Variants in RBFOX1 observed in about 807,000 individuals in gnomAD.
RBFOX1 encodes the protein RNA binding protein fox-1 homolog 1.
Under a neutral mutation model 57.7 loss-of-function variants are expected in RBFOX1, and 8 were observed. The observed-to-expected ratio is 0.14, with a 90% CI of 0.08 to 0.25. RBFOX1 has a LOEUF of 0.25. Among genes scored for constraint, RBFOX1 ranks in the 10% least tolerant of loss-of-function variants. RBFOX1 has a pLI of 1.00. For synonymous variants in RBFOX1, 326 were observed against 222.4 expected (o/e 1.47, Z -4.15); for missense variants, 611 against 548.5 (o/e 1.11, Z -1.14).
At chr16:6,466,047 G>A (rs2095042385) in intron 2 of RBFOX1, among the ~76,000 whole-genome samples, 1 of 151,910 alleles carries the variant, frequency 6.6e-6, no homozygotes, top group South Asian at 2.1e-4. Context: ...TGGTCAACAT[G>A]GTGAAACCCC....
intron 4 of RBFOX1, among the ~76,000 whole-genome samples, chr16:7,327,837 C>A (rs529814954): frequency 6.6e-6 from 1 of 151,546 alleles, no homozygotes; most frequent in East Asian, 1.9e-4. Context: ...ACTGTGCAGA[C>A]AAATCATTAT....
intron 4 of RBFOX1, among the ~76,000 whole-genome samples, chr16:7,427,042 C>T (rs1198924569): frequency 6.6e-6 from 1 of 152,188 alleles, no homozygotes; most frequent in East Asian, 1.9e-4. Flanking sequence ...CGTGTTCTCA[C>T]TCATAGGTGG....
intron 3 of RBFOX1, among the ~76,000 whole-genome samples, chr16:6,726,687 G>C (rs1474412668): frequency 4.6e-5 from 7 of 152,126 alleles, no homozygotes; most frequent in African/African-American, 1.7e-4. Context: ...GTCTGGACTG[G>C]ACCCCTGGGC....
intron 4 of RBFOX1, among the ~76,000 whole-genome samples, chr16:7,195,281 T>C (rs975594806): frequency 2.7e-4 from 41 of 152,190 alleles, no homozygotes; most frequent in Non-Finnish European, 1.5e-5. Flanking sequence ...ATTAATTTCA[T>C]CACACAGGCT....
At chr16:6,020,798 C>A (rs1412405987) in intron 1 of RBFOX1, among the ~76,000 whole-genome samples, 2 of 152,308 alleles carry the variant, frequency 1.3e-5, no homozygotes, top group East Asian at 3.9e-4. Context: ...GCCCAGGAGG[C>A]CACTTGGCTG....
chr16:6,795,781 A>G (rs113624825), intron 3 of RBFOX1, among the ~76,000 whole-genome samples: 15 of 148,858 alleles, frequency 1.0e-4, no homozygotes, highest in African/African-American at 3.6e-4. Context: ...AAAAAATGAA[A>G]AAAAAAAAAA....
At chr16:6,116,915 A>C (rs749908232) in intron 1 of RBFOX1, among the ~76,000 whole-genome samples, 48 of 152,148 alleles carry the variant, frequency 3.2e-4, no homozygotes, top group Non-Finnish European at 5.7e-4. Context: ...AGACAGAGGG[A>C]GAGAGATGCT....
intron 9 of RBFOX1, among the ~76,000 whole-genome samples, chr16:7,599,799 GT>G (rs113220306): frequency 1.4e-5 from 2 of 147,344 alleles, no homozygotes; most frequent in Admixed American, 6.7e-5. Flanking sequence ...TGCCTGGCTA[GT>G]TTTTTTTTTT....
chr16:6,176,928 C>T (rs560261962), intron 1 of RBFOX1, among the ~76,000 whole-genome samples: 1 of 152,132 alleles, frequency 6.6e-6, no homozygotes, highest in Non-Finnish European at 1.5e-5. Flanking sequence ...ACTGTGACAA[C>T]CCCAGTGCCT....
intron 4 of RBFOX1, among the ~76,000 whole-genome samples, chr16:7,516,503 C>G (rs997479010): frequency 2.0e-5 from 3 of 152,196 alleles, no homozygotes; most frequent in Non-Finnish European, 4.4e-5. Flanking sequence ...CCAGCAGTAT[C>G]ACTGCATGTC....
chr16:6,198,995 C>G (rs866815727), intron 1 of RBFOX1, among the ~76,000 whole-genome samples: 1 of 151,682 alleles, frequency 6.6e-6, no homozygotes, highest in Non-Finnish European at 1.5e-5. Flanking sequence ...TTTTTTAAAT[C>G]TCTCTGATAG....
chr16:5,432,559 G>GTTTTTTTTTTTTTTTTTTGTTTTT (rs35344614), intron 1 of RBFOX1, among the ~76,000 whole-genome samples: 1 of 94,222 alleles, frequency 1.1e-5, no homozygotes, highest in African/African-American at 4.0e-5. Context: ...TTGTTTGTTT[G>GTTTTTTTTTTTTTTTTTTGTTTTT]TTTTTTTTTT....
At chr16:5,598,966 G>C in exon 3 of RBFOX1, 1 of 1,528,222 alleles carries the variant, frequency 6.5e-7, no homozygotes, top group Non-Finnish European at 8.8e-7. Flanking sequence ...GACTCCGTAA[G>C]TAGAAGCATT....
At chr16:5,715,774 T>A (rs939416979) in intron 3 of RBFOX1, among the ~76,000 whole-genome samples, 2 of 152,228 alleles carry the variant, frequency 1.3e-5, no homozygotes, top group East Asian at 3.9e-4. Context: ...AGCCTGCGGC[T>A]GCGAGTAGGA....
chr16:6,676,447 G>C (rs1050555231), intron 3 of RBFOX1, among the ~76,000 whole-genome samples: 6 of 152,108 alleles, frequency 3.9e-5, no homozygotes, highest in African/African-American at 1.4e-4. Context: ...AGGCAGTATA[G>C]CAACCAAGAG....
In RBFOX1 at chr16:5,463,313, A is replaced by T. The variant is rs141840657; in HGVS notation, c.220-3903A>T. ...AAAATGGATTTTTGCAGGGCAGCTC[A>T]GTGGCATGAAGTGCGTTGCTTTTCA... On this transcript the variant is annotated intron_variant, in intron 1 of 2. Coordinates refer to the RBFOX1 transcript ENST00000585867. Among the ~76,000 whole-genome samples the T allele has an allele frequency of 5.8e-4, 89 of 152,304 alleles. No homozygotes were observed. In the East Asian group the frequency reaches 0.016, roughly 27 times the overall value.
At chr16:5,417,700 C>A (rs1052265275) in intron 1 of RBFOX1, among the ~76,000 whole-genome samples, 1 of 152,178 alleles carries the variant, frequency 6.6e-6, no homozygotes, top group Non-Finnish European at 1.5e-5. Context: ...GTTGGGAATA[C>A]AGCAGGCATT....
chr16:6,342,742 C>A (rs375198123), intron 2 of RBFOX1, among the ~76,000 whole-genome samples: 6 of 152,088 alleles, frequency 3.9e-5, no homozygotes, highest in African/African-American at 9.7e-5. Context: ...CTCTTCGGTG[C>A]GTATCTCCAA....
intron 2 of RBFOX1, among the ~76,000 whole-genome samples, chr16:6,395,871 G>A (rs1279957559): frequency 6.6e-6 from 1 of 151,838 alleles, no homozygotes; most frequent in Non-Finnish European, 1.5e-5. Context: ...TTCATGAGCA[G>A]CCTGGGCAAC....
Sources: gnomAD v4.1 joint callset for allele counts (sites outside exome capture counted in the v4.1 genomes callset) on GRCh38, gnomAD v4.1.1 for gene constraint, MANE v1.5 for transcripts, NCBI Gene and HGNC (gene_info 2026-07-23, HGNC 2026-07-21) for gene names.